Variants in CSNK1G1 observed in about 807,000 individuals in gnomAD.
CSNK1G1 encodes the protein casein kinase 1 gamma 1, also known as casein kinase I isoform gamma-1.
A neutral mutation model predicts 59.6 loss-of-function variants in CSNK1G1; 22 were observed. The observed-to-expected ratio is 0.37, with a 90% CI of 0.26 to 0.53. The LOEUF is 0.53. CSNK1G1 is among the 20% of genes least tolerant of loss of function. The probability of loss-of-function intolerance (pLI) is 0.89; values close to 1 mark genes in which losing one functional copy is unlikely to be tolerated. For synonymous variants in CSNK1G1, 179 were observed against 177.1 expected (o/e 1.01, Z -0.08); for missense variants, 384 against 519.5 (o/e 0.74, Z 2.54).
At chr15:64,351,560 G>A (rs1011635193) in intron 1 of CSNK1G1, among the ~76,000 whole-genome samples, 1 of 152,194 alleles carries the variant, frequency 6.6e-6, no homozygotes, top group Admixed American at 6.5e-5. Context: ...CTAGCAGCTA[G>A]TATACTATCT....
At chr15:64,205,102 G>A (rs1347589769) in intron 7 of CSNK1G1, among the ~76,000 whole-genome samples, 153 bp from the exon 8 acceptor site, 1 of 152,170 alleles carries the variant, frequency 6.6e-6, no homozygotes, top group African/African-American at 2.4e-5. Context: ...AAATGTAGTA[G>A]AAATTATATA....
chr15:64,347,936 G>A (rs1210081923), intron 1 of CSNK1G1, among the ~76,000 whole-genome samples: 1 of 151,828 alleles, frequency 6.6e-6, no homozygotes, highest in African/African-American at 2.4e-5. Flanking sequence ...AACCCAGGAG[G>A]CGGAGGTTTC....
intron 4 of CSNK1G1, among the ~76,000 whole-genome samples, chr15:64,232,133 A>G (rs1214894354): frequency 6.6e-6 from 1 of 152,224 alleles, no homozygotes; most frequent in Non-Finnish European, 1.5e-5. Flanking sequence ...AAAAATGTTA[A>G]AAGTGTGTTA....
chr15:64,294,231 C>T (rs1338000170), intron 2 of CSNK1G1, among the ~76,000 whole-genome samples: 1 of 152,072 alleles, frequency 6.6e-6, no homozygotes, highest in African/African-American at 2.4e-5. Context: ...CGTCACCAAG[C>T]CCGGCTAATT....
Position 64,213,953 on chromosome 15 carries a change from T to C in CSNK1G1, c.616A>G (p.Arg206Gly). ...GTTCCAGTTAAACTTTTGTGTTCCC[T>C]ATAAGGTATGTGTTTTTTGGTTTCG... ...DPETKKHIPY[R>G]EHKSLTGTAR... The change falls in exon 6 of 12, where the codon AGG becomes GGG. Residue 206 changes from arginine (R) to glycine (G), a missense_variant. By Grantham distance (125) the Arg-to-Gly change is moderately radical. Transcript: ENST00000303052. The C allele has an allele frequency of 6.2e-7, 1 of 1,614,220 alleles. No individual in the cohort carries two copies.
chr15:64,311,579 C>T (rs1433475165), intron 1 of CSNK1G1, among the ~76,000 whole-genome samples: 1 of 149,818 alleles, frequency 6.7e-6, no homozygotes, highest in Non-Finnish European at 1.5e-5. Flanking sequence ...CTTGAGCCCA[C>T]GAATTCGAAG....
intron 1 of CSNK1G1, among the ~76,000 whole-genome samples, chr15:64,323,354 T>C (rs1042308022): frequency 2.0e-5 from 3 of 152,074 alleles, no homozygotes; most frequent in Non-Finnish European, 4.4e-5. Context: ...AATTATTTAA[T>C]TACTGACTAT....
chr15:64,278,410 GTGTGTGTGTATATATATATA>G (rs1893902433), intron 2 of CSNK1G1, among the ~76,000 whole-genome samples: 1 of 114,930 alleles, frequency 8.7e-6, no homozygotes, highest in African/African-American at 4.3e-5. Context: ...GTGTGTGTGT[GTGTGTGTGTATATATATATA>G]TATTTTTTTT....
Position 64,204,583 on chromosome 15 carries a change from A to G in CSNK1G1, c.857T>C (p.Met286Thr). ...EALCENFPEE[M>T]ATYLRYVRRL... is the part of the protein sequence containing the mutation. ...CCTGACATATCGAAGGTAGGTTGCC[A>G]TCTCCTCTGTTAGGAAAGAGATGAA... Residue 286 changes from methionine (M) to threonine (T), a missense_variant, in exon 9 of 12, where the codon ATG becomes ACG. Coordinates refer to ENST00000303052, the MANE Select transcript of CSNK1G1 (RefSeq NM_022048.5). 4 of 1,613,188 alleles carry G rather than the reference A, an allele frequency of 2.5e-6. No homozygotes were observed. Among genetic ancestry groups the G allele is most frequent in the Non-Finnish European group, 3.4e-6 (4 of 1,179,742 alleles).
At chr15:64,264,557 G>T (rs1311746829) in intron 2 of CSNK1G1, among the ~76,000 whole-genome samples, 1 of 152,066 alleles carries the variant, frequency 6.6e-6, no homozygotes, top group East Asian at 1.9e-4. Context: ...CCAAAACCAG[G>T]CCAGGATAAA....
At chr15:64,184,078 C>T (rs1049235964) in intron 10 of CSNK1G1, among the ~76,000 whole-genome samples, 4 of 151,494 alleles carry the variant, frequency 2.6e-5, no homozygotes, top group Admixed American at 6.6e-5. Flanking sequence ...CCGAGGTGGG[C>T]GGATCACGAG....
chr15:64,250,770 A>G (rs940004845), intron 4 of CSNK1G1, among the ~76,000 whole-genome samples: 12 of 149,546 alleles, frequency 8.0e-5, no homozygotes, highest in African/African-American at 2.0e-4. Flanking sequence ...AAGAAAGAAA[A>G]AAAAAATAGA....
At chr15:64,185,156 A>T (rs1448160144) in intron 10 of CSNK1G1, among the ~76,000 whole-genome samples, 6 of 152,232 alleles carry the variant, frequency 3.9e-5, no homozygotes, top group Non-Finnish European at 5.9e-5. Context: ...CTGCCCATTA[A>T]ATATGTTGGA....
At chr15:64,307,273 C>A (rs1463772147) in intron 1 of CSNK1G1, among the ~76,000 whole-genome samples, 1 of 152,014 alleles carries the variant, frequency 6.6e-6, no homozygotes, top group Non-Finnish European at 1.5e-5. Context: ...TCTGTACTCT[C>A]CACTCCATTT....
intron 10 of CSNK1G1, among the ~76,000 whole-genome samples, chr15:64,198,626 T>G (rs1328780939): frequency 6.6e-6 from 1 of 152,088 alleles, no homozygotes; most frequent in Non-Finnish European, 1.5e-5. Context: ...AGAAACTGTA[T>G]TTTTCTTTTG....
intron 10 of CSNK1G1, among the ~76,000 whole-genome samples, chr15:64,202,169 T>G (rs1271496469): frequency 6.6e-6 from 1 of 152,198 alleles, no homozygotes; most frequent in Non-Finnish European, 1.5e-5. Context: ...GAGTCTTCAC[T>G]GCAGGTCCAT....
At position 64,200,777 on chromosome 15, in the gene CSNK1G1, T is replaced by A. The variant is rs2082096513; in HGVS notation, c.1107+2305A>T. Among the ~76,000 whole-genome samples the A allele has an allele frequency of 6.6e-6, 1 of 152,226 alleles. No individual in the cohort carries two copies. The highest frequency in any genetic ancestry group is 1.5e-5 in the Non-Finnish European group (1 of 68,022). Reference sequence around the variant, plus strand: ...ATTTCCCCATCCCGTCCAGCTCACTTTACTATAACCCAGTTTATTCAATAA... The same window carrying A: ...ATTTCCCCATCCCGTCCAGCTCACTATACTATAACCCAGTTTATTCAATAA... On this transcript the variant is annotated intron_variant, in intron 10 of 11. Transcript: ENST00000303052. This position sits in a 1 kb window ranked among gnomAD's most constrained non-coding sequence, Gnocchi z 4.3.
intron 1 of CSNK1G1, among the ~76,000 whole-genome samples, chr15:64,344,865 A>T (rs991043086): frequency 6.6e-6 from 1 of 152,200 alleles, no homozygotes; most frequent in African/African-American, 2.4e-5. Flanking sequence ...TTATGATTTC[A>T]TAATCTATGA....
At chr15:64,195,849 G>T (rs2082031140) in intron 10 of CSNK1G1, among the ~76,000 whole-genome samples, 1 of 152,196 alleles carries the variant, frequency 6.6e-6, no homozygotes, top group African/African-American at 2.4e-5. Context: ...GGATCTTTCT[G>T]AATGGATCTA....
Sources: allele counts gnomAD v4.1 joint callset (sites outside exome capture counted in the v4.1 genomes callset), GRCh38; gene constraint gnomAD v4.1.1; non-coding constraint Gnocchi (gnomAD v3.1); transcripts MANE v1.5; gene names NCBI Gene and HGNC (gene_info 2026-07-23, HGNC 2026-07-21).